Variants in HIVEP3 observed in about 807,000 individuals in gnomAD.
HIVEP3 encodes HIVEP zinc finger 3.
In HIVEP3, 49 loss-of-function variants were observed where a neutral mutation model predicts 152.8. The observed-to-expected ratio is 0.32, with a 90% confidence interval of 0.26 to 0.41. The LOEUF (loss-of-function observed/expected upper bound fraction) is 0.41, where lower values mean the gene tolerates loss of function less well. HIVEP3 is among the 10% of genes least tolerant of loss of function. HIVEP3 has a pLI of 1.00. For synonymous variants in HIVEP3, 1,269 were observed against 1,289.0 expected (o/e 0.98, Z 0.33); for missense variants, 2,790 against 3,103.3 (o/e 0.90, Z 2.40).
At chr1:41,547,167 A>C (rs979829917) in intron 5 of HIVEP3, among the ~76,000 whole-genome samples, 2 of 152,194 alleles carry the variant, frequency 1.3e-5, no homozygotes, top group African/African-American at 4.8e-5. Context: ...TATCACACTG[A>C]AGATCATCCT....
intron 5 of HIVEP3, 105 bp from the exon 6 acceptor site, chr1:41,525,015 C>T (rs116807289): frequency 0.019 from 20,662 of 1,101,528 alleles, 274 homozygotes; most frequent in South Asian, 0.051. Flanking sequence ...CCGTTACAGA[C>T]GCAAGGAATG....
chr1:41,818,314 G>A (rs1642471918), intron 1 of HIVEP3, among the ~76,000 whole-genome samples: 1 of 152,170 alleles, frequency 6.6e-6, no homozygotes, highest in Non-Finnish European at 1.5e-5. Context: ...CTGTGTTGGT[G>A]AGCAGGGTGC....
chr1:41,847,692 C>T (rs1252741241), intron 1 of HIVEP3: 1 of 152,298 alleles, frequency 6.6e-6, no homozygotes, highest in African/African-American at 2.4e-5. Context: ...GAGTAGAACG[C>T]TGAGCTGAGG....
At chr1:41,805,609 A>G (rs1398760264) in intron 1 of HIVEP3, among the ~76,000 whole-genome samples, 1 of 152,228 alleles carries the variant, frequency 6.6e-6, no homozygotes, top group Admixed American at 6.5e-5. Flanking sequence ...GTGAGGACGA[A>G]GCTGGCACAG....
intron 1 of HIVEP3, among the ~76,000 whole-genome samples, chr1:41,720,453 A>C (rs1439916683): frequency 6.6e-6 from 1 of 152,230 alleles, no homozygotes; most frequent in Non-Finnish European, 1.5e-5. Context: ...CACTGAATAT[A>C]CTACATTATT....
rs542615997 is a variant in HIVEP3 at position 41,936,113 on chromosome 1, A to T, written n.120-17589T>A. The stretch of plus-strand genomic sequence containing the variant: ...ACAAGGAGAAGTAGTCAATTCAGGG[A>T]AATTCAGTTCAAGGGTAAATGTAAA... On this transcript the variant is annotated intron_variant and non_coding_transcript_variant, in intron 1 of 3. Transcript: ENST00000489103. 2.0e-3 allele frequency among the ~76,000 whole-genome samples: 312 copies of T among 152,304 alleles called. No individual in the cohort carries two copies. In the Middle Eastern group the frequency reaches 0.024, roughly 12 times the overall value.
At chr1:41,612,135 T>C (rs1334133370) in intron 3 of HIVEP3, among the ~76,000 whole-genome samples, 2 of 147,382 alleles carry the variant, frequency 1.4e-5, no homozygotes, top group Non-Finnish European at 3.0e-5. Context: ...TTCTGCCTCC[T>C]GCCAGGGTTC....
chr1:42,007,340 A>G (rs1488821178), intron 1 of HIVEP3, among the ~76,000 whole-genome samples: 1 of 152,148 alleles, frequency 6.6e-6, no homozygotes, highest in Non-Finnish European at 1.5e-5. Context: ...GATTCTAGAG[A>G]TTAAGACATT....
chr1:41,562,404 C>T (rs1398447156), intron 5 of HIVEP3, among the ~76,000 whole-genome samples: 2 of 152,136 alleles, frequency 1.3e-5, no homozygotes, highest in Non-Finnish European at 2.9e-5. Flanking sequence ...GGCTGCATGG[C>T]TAAAAAATAT....
intron 1 of HIVEP3, among the ~76,000 whole-genome samples, chr1:41,895,606 A>G (rs1187410625): frequency 6.6e-6 from 1 of 152,222 alleles, no homozygotes. Context: ...AAATTACTTA[A>G]AGATTGCAAT....
chr1:41,614,732 G>A (rs992458593), intron 3 of HIVEP3, among the ~76,000 whole-genome samples: 1 of 152,178 alleles, frequency 6.6e-6, no homozygotes, highest in Non-Finnish European at 1.5e-5. Flanking sequence ...CACTTAGAAG[G>A]CCCCACATGG....
intron 1 of HIVEP3, among the ~76,000 whole-genome samples, chr1:41,776,852 C>G (rs1400496340): frequency 6.6e-6 from 1 of 152,230 alleles, no homozygotes; most frequent in African/African-American, 2.4e-5. Flanking sequence ...TCCCTCCCTT[C>G]ACTCTTACAG....
At chr1:41,780,310 G>A (rs1321575917) in intron 1 of HIVEP3, among the ~76,000 whole-genome samples, 1 of 152,136 alleles carries the variant, frequency 6.6e-6, no homozygotes, top group African/African-American at 2.4e-5. Flanking sequence ...CTGGGGGCAG[G>A]GGTGTCAAGT....
intron 1 of HIVEP3, among the ~76,000 whole-genome samples, chr1:41,820,811 A>T (rs535219299): frequency 2.6e-4 from 39 of 152,354 alleles, no homozygotes; most frequent in African/African-American, 9.1e-4. Flanking sequence ...TCACGGCTAA[A>T]TCCCCAGTGT....
intron 3 of HIVEP3, among the ~76,000 whole-genome samples, chr1:41,600,048 C>T (rs1644723183): frequency 6.6e-6 from 1 of 151,302 alleles, no homozygotes; most frequent in Admixed American, 6.6e-5. Context: ...ATGGCTACAA[C>T]AAAAAAAAGA....
At chr1:41,824,624 C>A (rs951743643) in intron 1 of HIVEP3, among the ~76,000 whole-genome samples, 1 of 151,612 alleles carries the variant, frequency 6.6e-6, no homozygotes, top group African/African-American at 2.4e-5. Flanking sequence ...TGTGTCTGAT[C>A]TATACTGTTT....
Position 41,510,945 on chromosome 1 carries a change from G to A in HIVEP3, c.6727C>T (p.Arg2243Cys), listed in dbSNP as rs200693003. The A allele has an allele frequency of 4.3e-5, 69 of 1,613,454 alleles. No homozygotes were observed. The highest frequency in any genetic ancestry group is 1.8e-4 in the South Asian group (16 of 91,090). The part of the protein sequence containing the change: ...TGAREAQERG[R>C]WSPTESSSAS... ...GACGAGCTCTCAGTGGGACTCCAGC[G>A]GCCTCGCTCCTGGGCCTCCCGGGCC... is the stretch of plus-strand genomic sequence containing the variant. The change falls in exon 9 of 9, where the codon CGC (arginine) becomes TGC (cysteine). Residue 2243 changes from arginine (R) to cysteine (C), a missense_variant. By Grantham distance (180) the Arg-to-Cys change is radical. This residue lies in a region of HIVEP3 where 816 missense variants were observed against 806.5 expected (regional missense o/e 1.01). Transcript: ENST00000372583.
chr1:41,657,768 A>C (rs1645651296), intron 2 of HIVEP3, among the ~76,000 whole-genome samples: 1 of 152,224 alleles, frequency 6.6e-6, no homozygotes, highest in African/African-American at 2.4e-5. Context: ...AGAAAGCAGG[A>C]GATATAAACT....
At chr1:41,815,144 GA>G (rs1651188602) in intron 1 of HIVEP3, among the ~76,000 whole-genome samples, 1 of 152,164 alleles carries the variant, frequency 6.6e-6, no homozygotes, top group South Asian at 2.1e-4. Flanking sequence ...TGACTGAAAA[GA>G]AGTCAGCCAT....
Sources: allele counts gnomAD v4.1 joint callset (sites outside exome capture counted in the v4.1 genomes callset), GRCh38; gene constraint gnomAD v4.1.1; regional missense constraint gnomAD v4.1.1; transcripts MANE v1.5; gene names NCBI Gene and HGNC (gene_info 2026-07-23, HGNC 2026-07-21).